Variants in ADAMTS20 observed in about 807,000 individuals in gnomAD.
ADAMTS20 encodes the protein A disintegrin and metalloproteinase with thrombospondin motifs 20.
ADAMTS20 carries 225 observed loss-of-function variants against 260.1 expected under a neutral mutation model. The ratio of observed to expected loss-of-function variants is 0.87; its 90% CI spans 0.78 to 0.97. The LOEUF (loss-of-function observed/expected upper bound fraction) is 0.97, where lower values mean the gene tolerates loss of function less well. Among genes scored for constraint, ADAMTS20 ranks in the 50% least tolerant of loss-of-function variants. The pLI is 0.00. For synonymous variants in ADAMTS20, 802 were observed against 769.5 expected (o/e 1.04, Z -0.70); for missense variants, 2,400 against 2,337.7 (o/e 1.03, Z -0.55).
rs768764706 is a variant in ADAMTS20 at position 43,377,502 on chromosome 12, A to G, written c.4858T>C (p.Ser1620Pro). ...QRITYCTEIP[S>P]TKKHKLHRLR... is the part of the protein sequence containing the mutation. The stretch of plus-strand genomic sequence containing the variant: ...CGATGGAGCTTATGTTTCTTAGTAG[A>G]TGGGATCTCGGTGCAATATGTAATC... The change falls in exon 32 of 39, where the codon TCT becomes CCT. Residue 1620 changes from serine (S) to proline (P), a missense_variant. Physicochemically the swap from Ser to Pro is moderately conservative, Grantham distance 74. Coordinates refer to ENST00000389420, the MANE Select transcript of ADAMTS20 (RefSeq NM_025003.5). 1.2e-6 allele frequency: 2 copies of G among 1,613,644 alleles called. No individual in the cohort carries two copies. The highest frequency in any genetic ancestry group is 1.3e-5 in the African/African-American group (1 of 74,922).
At chr12:43,432,229 T>G in intron 21 of ADAMTS20, 75 bp downstream of exon 21, 10 of 1,450,554 alleles carry the variant, frequency 6.9e-6, no homozygotes, top group Non-Finnish European at 9.3e-6. Context: ...ACTTTTAAAT[T>G]TTGTAAAGTC....
intron 7 of ADAMTS20, among the ~76,000 whole-genome samples, chr12:43,477,627 A>T (rs1333296531): frequency 6.6e-6 from 1 of 151,842 alleles, no homozygotes; most frequent in Non-Finnish European, 1.5e-5. Context: ...ACACATATGC[A>T]CTCTCTCTCT....
intron 14 of ADAMTS20, among the ~76,000 whole-genome samples, chr12:43,450,755 T>A (rs892737476): frequency 6.6e-6 from 1 of 152,164 alleles, no homozygotes; most frequent in Admixed American, 6.6e-5. Context: ...AACTGACAGA[T>A]AACATTGTAT....
At chr12:43,459,109 T>G (rs1296616831) in intron 11 of ADAMTS20, among the ~76,000 whole-genome samples, 2 of 152,188 alleles carry the variant, frequency 1.3e-5, no homozygotes, top group Non-Finnish European at 2.9e-5. Flanking sequence ...CTATTAAATC[T>G]TGCAGCTGCA....
intron 14 of ADAMTS20, among the ~76,000 whole-genome samples, chr12:43,450,119 A>T (rs1941837980): frequency 1.3e-5 from 2 of 152,214 alleles, no homozygotes; most frequent in Admixed American, 1.3e-4. Flanking sequence ...TCAAATAAGT[A>T]TTTAAAAGTA....
At chr12:43,377,792 C>CTG (rs907167513) in intron 31 of ADAMTS20, among the ~76,000 whole-genome samples, 5 of 143,384 alleles carry the variant, frequency 3.5e-5, no homozygotes, top group East Asian at 2.0e-4. Flanking sequence ...GCTGTAGTGC[C>CTG]TGTGTGTGCG....
chr12:43,502,628 A>T (rs570397593), intron 3 of ADAMTS20, among the ~76,000 whole-genome samples: 6 of 152,272 alleles, frequency 3.9e-5, no homozygotes, highest in South Asian at 2.1e-4. Context: ...ACATTTTCTT[A>T]GATTTTACCA....
intron 3 of ADAMTS20, among the ~76,000 whole-genome samples, chr12:43,528,878 G>C (rs1943183301): frequency 6.6e-6 from 1 of 152,052 alleles, no homozygotes; most frequent in South Asian, 2.1e-4. Context: ...CCAGAGAATT[G>C]GAGAATATAT....
intron 37 of ADAMTS20, among the ~76,000 whole-genome samples, chr12:43,361,153 A>G (rs1178785271): frequency 6.6e-6 from 1 of 152,190 alleles, no homozygotes; most frequent in Non-Finnish European, 1.5e-5. Context: ...ACTCTTTTTT[A>G]GCATTCCTAT....
chr12:43,449,116 C>T (rs570343082), intron 14 of ADAMTS20, among the ~76,000 whole-genome samples: 33 of 152,118 alleles, frequency 2.2e-4, no homozygotes, highest in Non-Finnish European at 4.4e-4. Flanking sequence ...CCATTCAACT[C>T]AGCAATCCCA....
rs746353185 is a variant in ADAMTS20, at chr12:43,464,620, C to A, written c.1480G>T (p.Gly494Cys). The part of the protein sequence containing the change: ...DGNKQCELAF[G>C]PGSQMCPHIN... ...TGGGGACACATTTGTGACCCAGGAC[C>A]AAACGCAAGCTCACACTGCTTGTTT... The change falls in exon 10 of 39, where the codon GGT becomes TGT. Residue 494 changes from glycine to cysteine, a missense_variant. Gly to Cys is a radical substitution (Grantham distance 159). Transcript: ENST00000389420. 6.2e-7 allele frequency: 1 copy of A among 1,613,266 alleles called. No individual in the cohort carries two copies. The highest frequency in any genetic ancestry group is 8.5e-7 in the Non-Finnish European group (1 of 1,179,422).
intron 18 of ADAMTS20, among the ~76,000 whole-genome samples, chr12:43,435,657 A>AC (rs1333692999): frequency 1.4e-5 from 2 of 146,032 alleles, no homozygotes; most frequent in African/African-American, 5.0e-5. Context: ...AAAAAAAAAA[A>AC]CAAAAAAATA....
At chr12:43,431,566 T>C (rs117885127) in intron 21 of ADAMTS20, 70 bp from the exon 22 acceptor site, 9 of 1,511,750 alleles carry the variant, frequency 6.0e-6, no homozygotes, top group Non-Finnish European at 8.2e-6. Flanking sequence ...ACTGATGCAA[T>C]GATCAATTTG....
At chr12:43,446,182 C>G (rs1941756758) in intron 15 of ADAMTS20, among the ~76,000 whole-genome samples, 2 of 151,876 alleles carry the variant, frequency 1.3e-5, no homozygotes, top group South Asian at 4.2e-4. Flanking sequence ...TCAAGTCATA[C>G]CAAAAAAAGA....
intron 18 of ADAMTS20, among the ~76,000 whole-genome samples, chr12:43,434,901 T>C (rs1941520594): frequency 6.6e-6 from 1 of 152,188 alleles, no homozygotes; most frequent in Non-Finnish European, 1.5e-5. Flanking sequence ...TCTTTCCTTT[T>C]TCCCTCTGCC....
intron 15 of ADAMTS20, 54 bp from the exon 16 acceptor site, chr12:43,443,937 G>T (rs1020286901): frequency 2.1e-6 from 3 of 1,403,148 alleles, no homozygotes; most frequent in African/African-American, 2.8e-5. Flanking sequence ...TGGCCCAGAG[G>T]TTATTACTGC....
chr12:43,359,863 A>G (rs1268081847), intron 37 of ADAMTS20, among the ~76,000 whole-genome samples: 3 of 152,230 alleles, frequency 2.0e-5, no homozygotes, highest in Non-Finnish European at 4.4e-5. Flanking sequence ...AGGTCTAGGT[A>G]TAAAGCATAA....
In ADAMTS20 at chr12:43,442,340, C is replaced by T. The variant is rs116876658; in HGVS notation, c.2290+1451G>A. Among the ~76,000 whole-genome samples, 895 of 151,938 alleles carry T rather than the reference C, an allele frequency of 5.9e-3. 8 individuals are homozygous for T. Among genetic ancestry groups the T allele is most frequent in the Non-Finnish European group, 8.4e-3 (573 of 67,958 alleles). ...TGACACAATTTCAGCTCACTGCAAC[C>T]TCCGCCCCCCAGATTCCAGCGATTC... is the stretch of plus-strand genomic sequence containing the variant. On this transcript the variant is annotated intron_variant, in intron 16 of 38. Coordinates refer to ENST00000389420, the MANE Select transcript of ADAMTS20 (RefSeq NM_025003.5).
At position 43,532,125 on chromosome 12, in the gene ADAMTS20, T is replaced by C. The variant is rs1470997155; in HGVS notation, c.524A>G (p.Tyr175Cys). ...EPIMKADGNE[Y>C]EDGHNKPHLI... ...ATGTGGCTTGTTGTGACCATCTTCA[T>C]ATTCATTCCCATCTGCCTTCATTAT... Residue 175 changes from tyrosine to cysteine, a missense_variant, in exon 3 of 39, where the codon TAT becomes TGT. Transcript: ENST00000389420. 1 of 1,612,522 alleles carries C rather than the reference T, an allele frequency of 6.2e-7. No individual in the cohort carries two copies. The highest frequency in any genetic ancestry group is 8.5e-7 in the Non-Finnish European group (1 of 1,179,266).
Sources: allele counts gnomAD v4.1 joint callset (sites outside exome capture counted in the v4.1 genomes callset), GRCh38; gene constraint gnomAD v4.1.1; transcripts MANE v1.5; gene names NCBI Gene and HGNC (gene_info 2026-07-23, HGNC 2026-07-21).